The following GPR158 variants were observed in gnomAD, a reference collection of about 807,000 sequenced individuals.
GPR158 encodes the protein G protein-coupled receptor 158.
In GPR158, 30 loss-of-function variants were observed where a neutral mutation model predicts 78.2. The observed-to-expected ratio is 0.38, with a 90% CI of 0.29 to 0.52. The LOEUF is 0.52. GPR158 is among the 20% of genes least tolerant of loss of function. GPR158 has a pLI of 0.83. For missense variants in GPR158, 1,463 were observed against 1,523.5 expected, an observed-to-expected ratio of 0.96 and a Z score of 0.66; for synonymous variants, 581 against 591.1, an observed-to-expected ratio of 0.98 and a Z score of 0.25.
chr10:25,477,926 T>C (rs574233727), intron 5 of GPR158, among the ~76,000 whole-genome samples: 4 of 152,208 alleles, frequency 2.6e-5, no homozygotes, highest in African/African-American at 9.6e-5. Flanking sequence ...TCTTCTATAG[T>C]GTAGGTTAGA....
chr10:25,203,056 T>C (rs1852958188), intron 1 of GPR158, among the ~76,000 whole-genome samples: 1 of 152,246 alleles, frequency 6.6e-6, no homozygotes, highest in African/African-American at 2.4e-5. Context: ...ATGTCTTCTT[T>C]TGAGAAGTGT....
At chr10:25,580,771 G>C (rs976593986) in intron 7 of GPR158, among the ~76,000 whole-genome samples, 3 of 151,936 alleles carry the variant, frequency 2.0e-5, no homozygotes, top group Non-Finnish European at 2.9e-5. Context: ...TGTCACCCCG[G>C]CTGGAGTGCA....
chr10:25,438,135 T>A (rs1012236783), intron 4 of GPR158, among the ~76,000 whole-genome samples: 1 of 152,140 alleles, frequency 6.6e-6, no homozygotes, highest in African/African-American at 2.4e-5. Context: ...AACTAAAAAA[T>A]TCTACCTTGA....
chr10:25,526,792 C>T (rs768787547), intron 5 of GPR158, among the ~76,000 whole-genome samples: 15 of 152,066 alleles, frequency 9.9e-5, no homozygotes, highest in Admixed American at 2.6e-4. Context: ...AGAAACAACC[C>T]CAGTGAAGTA....
At chr10:25,251,342 G>T (rs11492468) in intron 2 of GPR158, among the ~76,000 whole-genome samples, 27,767 of 149,802 alleles carry the variant, frequency 0.19, 4,081 homozygotes, top group African/African-American at 0.4. Flanking sequence ...ATGTGTGAAT[G>T]TGATCCTGTC....
chr10:25,241,143 TTC>T (rs1491447162), intron 2 of GPR158, among the ~76,000 whole-genome samples: 14 of 102,490 alleles, frequency 1.4e-4, no homozygotes, highest in African/African-American at 5.7e-4. Flanking sequence ...CTTTCTTTCT[TTC>T]TTTCTTTCTT....
chr10:25,212,627 C>CTTTTTTTTTTTTTTTTTTTT (rs10642944), intron 1 of GPR158, among the ~76,000 whole-genome samples: 1 of 78,578 alleles, frequency 1.3e-5, no homozygotes, highest in African/African-American at 5.3e-5. Context: ...GAATTTATAG[C>CTTTTTTTTTTTTTTTTTTTT]TTTTTTTTTT....
chr10:25,365,221 A>C (rs546335519), intron 2 of GPR158, among the ~76,000 whole-genome samples: 3 of 151,806 alleles, frequency 2.0e-5, no homozygotes, highest in Admixed American at 2.0e-4. Flanking sequence ...ACATCAATTA[A>C]AATAATTTTC....
chr10:25,308,515 A>G (rs1469430997), intron 2 of GPR158, among the ~76,000 whole-genome samples: 3 of 152,006 alleles, frequency 2.0e-5, no homozygotes. Context: ...ATTTTTTTTC[A>G]TCATTTTCCC....
chr10:25,543,245 C>T (rs114142252), intron 5 of GPR158, among the ~76,000 whole-genome samples: 1 of 152,070 alleles, frequency 6.6e-6, no homozygotes, highest in South Asian at 2.1e-4. Context: ...CTCAGTCCCC[C>T]AAGTAGCTGG....
At chr10:25,524,618 CACATAT>C (rs1412901603) in intron 5 of GPR158, among the ~76,000 whole-genome samples, 2 of 152,038 alleles carry the variant, frequency 1.3e-5, no homozygotes, top group Non-Finnish European at 2.9e-5. Context: ...TAGTTCATAC[CACATAT>C]AAAATTTAAC....
At chr10:25,247,675 A>G (rs1344867343) in intron 2 of GPR158, among the ~76,000 whole-genome samples, 1 of 150,434 alleles carries the variant, frequency 6.6e-6, no homozygotes, top group Admixed American at 6.6e-5. Flanking sequence ...ATAGTATTCC[A>G]TGGTGTATAT....
intron 5 of GPR158, among the ~76,000 whole-genome samples, chr10:25,546,796 A>T (rs1335199): frequency 2.0e-5 from 3 of 151,842 alleles, no homozygotes; most frequent in Admixed American, 6.6e-5. Context: ...TGTTCTTTCT[A>T]GAGGAAGGGA....
chr10:25,349,231 A>T (rs569256960), intron 2 of GPR158, among the ~76,000 whole-genome samples: 1 of 151,660 alleles, frequency 6.6e-6, no homozygotes, highest in South Asian at 2.1e-4. Flanking sequence ...CATCACTGTG[A>T]CCTCTGCTTC....
chr10:25,527,294 CA>C (rs1474071191), intron 5 of GPR158, among the ~76,000 whole-genome samples: 1 of 152,056 alleles, frequency 6.6e-6, no homozygotes, highest in African/African-American at 2.4e-5. Flanking sequence ...CAAAACTACA[CA>C]TTTTTTTAAA....
chr10:25,490,184 A>T (rs1158419828), intron 5 of GPR158, among the ~76,000 whole-genome samples: 1 of 152,100 alleles, frequency 6.6e-6, no homozygotes, highest in East Asian at 1.9e-4. Context: ...ATTTGGAAAC[A>T]TAAACCTAAA....
chr10:25,545,462 G>T (rs1836651017), intron 5 of GPR158, among the ~76,000 whole-genome samples: 1 of 152,212 alleles, frequency 6.6e-6, no homozygotes, highest in Admixed American at 6.5e-5. Context: ...GACCAGTGAT[G>T]ATGAGCGTTG....
intron 4 of GPR158, among the ~76,000 whole-genome samples, chr10:25,446,341 T>A (rs1470116013): frequency 6.6e-6 from 1 of 152,166 alleles, no homozygotes; most frequent in East Asian, 1.9e-4. Flanking sequence ...ATTTTGCAAG[T>A]CTTTGAGAAC....
chr10:25,274,012 C>T (rs1854151273), intron 2 of GPR158, among the ~76,000 whole-genome samples: 1 of 152,126 alleles, frequency 6.6e-6, no homozygotes, highest in South Asian at 2.1e-4. Flanking sequence ...CATGGTTTTT[C>T]TCTGCTCCGT....
Sources: allele counts gnomAD v4.1 joint callset (sites outside exome capture counted in the v4.1 genomes callset), GRCh38; gene constraint gnomAD v4.1.1; transcripts MANE v1.5; gene names NCBI Gene and HGNC (gene_info 2026-07-23, HGNC 2026-07-21).